Variants in CSMD1 observed in about 807,000 individuals in gnomAD.
The protein encoded by CSMD1 is CUB and sushi domain-containing protein 1.
In CSMD1, 213 loss-of-function variants were observed where a neutral mutation model predicts 417.5. The observed-to-expected ratio is 0.51, with a 90% CI of 0.46 to 0.57. The LOEUF is 0.57. Ranked by LOEUF, CSMD1 falls within the 20% of genes least tolerant of loss-of-function variation. The pLI is 0.00. For synonymous variants in CSMD1, 2,862 were observed against 1,736.8 expected, an observed-to-expected ratio of 1.65 and a Z score of -16.11; for missense variants, 6,923 against 4,529.7, an observed-to-expected ratio of 1.53 and a Z score of -15.17.
At chr8:4,674,500 C>A (rs74522139) in intron 1 of CSMD1, among the ~76,000 whole-genome samples, 3 of 152,098 alleles carry the variant, frequency 2.0e-5, no homozygotes, top group African/African-American at 7.2e-5. Flanking sequence ...AATGAGGGAA[C>A]AGTACGTACT....
chr8:3,635,793 C>CAAAAAAAAAAAAAAAAAAAAAAGA (rs1797012779), intron 7 of CSMD1, among the ~76,000 whole-genome samples: 1 of 99,282 alleles, frequency 1.0e-5, no homozygotes, highest in Non-Finnish European at 2.0e-5. Context: ...GCTTCCATCT[C>CAAAAAAAAAAAAAAAAAAAAAAGA]AAAAAAAAAA....
chr8:3,251,176 C>G (rs1800225680), intron 26 of CSMD1, among the ~76,000 whole-genome samples: 1 of 152,090 alleles, frequency 6.6e-6, no homozygotes, highest in Non-Finnish European at 1.5e-5. Flanking sequence ...AGGTTTTCTT[C>G]TAGGGTTTTT....
rs565190754 is a variant in CSMD1 at position 2,993,649 on chromosome 8, G to A, written c.8377+4362C>T. On this transcript the variant is annotated intron_variant, in intron 54 of 69. Coordinates refer to ENST00000635120, the MANE Select transcript of CSMD1 (RefSeq NM_033225.6). Reference sequence around the variant, plus strand: ...GAAGCACTCAAAGGTCTCCCGGGACGTATAGATCTAATCCTCTAGTGTAAA... The same window carrying A: ...GAAGCACTCAAAGGTCTCCCGGGACATATAGATCTAATCCTCTAGTGTAAA... Among the ~76,000 whole-genome samples the A allele has an allele frequency of 4.6e-5, 7 of 152,276 alleles. No individual in the cohort carries two copies. In the South Asian group the frequency reaches 1.0e-3, roughly 23 times the overall value.
At chr8:4,447,867 A>C (rs947071528) in intron 2 of CSMD1, among the ~76,000 whole-genome samples, 1 of 152,218 alleles carries the variant, frequency 6.6e-6, no homozygotes, top group Non-Finnish European at 1.5e-5. Flanking sequence ...TAAGTAGAGG[A>C]GGCTCGACGA....
intron 1 of CSMD1, among the ~76,000 whole-genome samples, chr8:4,756,190 G>A (rs976339447): frequency 1.3e-5 from 2 of 152,158 alleles, no homozygotes; most frequent in African/African-American, 4.8e-5. Context: ...CTGGAAAACT[G>A]TTGATCTATT....
intron 3 of CSMD1, among the ~76,000 whole-genome samples, chr8:4,051,879 T>TTCCTTCCTTCCTTC (rs1563058796): frequency 1.5e-4 from 9 of 61,944 alleles, no homozygotes; most frequent in African/African-American, 4.1e-4. Flanking sequence ...CTTCCTCCTT[T>TTCCTTCCTTCCTTC]CTTCCTTCCT....
At chr8:4,347,796 A>G (rs1182932621) in intron 3 of CSMD1, among the ~76,000 whole-genome samples, 7 of 152,182 alleles carry the variant, frequency 4.6e-5, no homozygotes, top group Non-Finnish European at 1.0e-4. Context: ...TCTAAATAAA[A>G]TCTATAATCA....
At chr8:3,201,239 T>C (rs1268383250) in intron 32 of CSMD1, among the ~76,000 whole-genome samples, 2 of 152,156 alleles carry the variant, frequency 1.3e-5, no homozygotes, top group East Asian at 3.9e-4. Flanking sequence ...ACTTACAGGC[T>C]TAGAATGCTT....
chr8:4,295,760 A>G (rs866204510), intron 3 of CSMD1, among the ~76,000 whole-genome samples: 5,292 of 25,008 alleles, frequency 0.21, 436 homozygotes, highest in African/African-American at 0.41. Flanking sequence ...GTATATATAT[A>G]TATATATATA....
intron 2 of CSMD1, among the ~76,000 whole-genome samples, chr8:4,478,125 A>C (rs1440063174): frequency 1.3e-5 from 2 of 152,160 alleles, no homozygotes; most frequent in East Asian, 3.9e-4. Flanking sequence ...TTACGTTCAC[A>C]GGCCTAGTGC....
chr8:3,374,467 T>C (rs1294445444), intron 18 of CSMD1, among the ~76,000 whole-genome samples: 1 of 152,192 alleles, frequency 6.6e-6, no homozygotes, highest in Non-Finnish European at 1.5e-5. Context: ...TAACTTGGTT[T>C]TAAAACTCCA....
At chr8:4,148,415 G>C (rs760028892) in intron 3 of CSMD1, among the ~76,000 whole-genome samples, 1 of 151,936 alleles carries the variant, frequency 6.6e-6, no homozygotes, top group Non-Finnish European at 1.5e-5. Context: ...TATACCTAAT[G>C]TTAAATGATG....
Position 4,829,399 on chromosome 8 carries a change from T to C in CSMD1, c.85+164933A>G, listed in dbSNP as rs151305065. 5.4e-3 allele frequency among the ~76,000 whole-genome samples: 824 copies of C among 152,294 alleles called. 7 individuals carry two copies. The highest frequency in any genetic ancestry group is 0.018 in the African/African-American group (745 of 41,566). ...AGCTAAAAACGTAGAGATACAAAGA[T>C]GACTTAGTCATACCTTTTACTGCTG... On this transcript the variant is annotated intron_variant, in intron 1 of 69. Transcript: ENST00000635120.
intron 1 of CSMD1, among the ~76,000 whole-genome samples, chr8:4,705,796 T>C (rs1200183894): frequency 1.3e-5 from 2 of 152,256 alleles, no homozygotes; most frequent in Non-Finnish European, 2.9e-5. Flanking sequence ...TCTTACAGAG[T>C]GTCTAGTTCT....
intron 20 of CSMD1, among the ~76,000 whole-genome samples, chr8:3,360,915 C>G (rs1476238796): frequency 6.6e-6 from 1 of 150,468 alleles, no homozygotes; most frequent in Non-Finnish European, 1.5e-5. Context: ...GATCTCATAC[C>G]TGCACTTTTA....
intron 1 of CSMD1, among the ~76,000 whole-genome samples, chr8:4,697,793 A>ACATTCT (rs1807236934): frequency 6.6e-6 from 1 of 152,234 alleles, no homozygotes; most frequent in Non-Finnish European, 1.5e-5. Context: ...AAATACACAC[A>ACATTCT]CATTCTCATT....
At chr8:3,675,437 A>G (rs1367462324) in intron 7 of CSMD1, among the ~76,000 whole-genome samples, 3 of 152,200 alleles carry the variant, frequency 2.0e-5, no homozygotes. Flanking sequence ...TTCTGGATGG[A>G]AAGACCAAAA....
At chr8:3,679,973 T>C (rs1349533241) in intron 7 of CSMD1, among the ~76,000 whole-genome samples, 1 of 152,136 alleles carries the variant, frequency 6.6e-6, no homozygotes, top group African/African-American at 2.4e-5. Context: ...AATAAAGATG[T>C]TCTTTGAAAC....
chr8:3,550,298 T>A (rs562521867), intron 10 of CSMD1, among the ~76,000 whole-genome samples: 1 of 152,124 alleles, frequency 6.6e-6, no homozygotes, highest in African/African-American at 2.4e-5. Context: ...TTTTCTCCAA[T>A]AATTCCCACC....
Sources: gnomAD v4.1 joint callset for allele counts (sites outside exome capture counted in the v4.1 genomes callset) on GRCh38, gnomAD v4.1.1 for gene constraint, MANE v1.5 for transcripts, NCBI Gene and HGNC (gene_info 2026-07-23, HGNC 2026-07-21) for gene names.